ACIN1: variants seen among roughly 807,000 people sequenced by gnomAD.
ACIN1 encodes apoptotic chromatin condensation inducer in the nucleus.
A neutral mutation model predicts 146.6 loss-of-function variants in ACIN1; 16 were observed. The ratio of observed to expected loss-of-function variants is 0.11; its 90% CI spans 0.07 to 0.17. ACIN1 has a LOEUF of 0.17. Among genes scored for constraint, ACIN1 ranks in the 10% least tolerant of loss-of-function variants. The probability of loss-of-function intolerance (pLI) is 1.00; values close to 1 mark genes in which losing one functional copy is unlikely to be tolerated. For missense variants in ACIN1, 1,357 were observed against 1,609.3 expected (o/e 0.84, Z 2.68); for synonymous variants, 569 against 582.7 (o/e 0.98, Z 0.34).
chr14:23,090,471 A>G, intron 3 of ACIN1, 51 bp downstream of exon 3: 1 of 1,509,558 alleles, frequency 6.6e-7, no homozygotes, highest in Non-Finnish European at 9.2e-7. Context: ...CTACTTGGTG[A>G]CAGGGATAAG....
chr14:23,063,660 G>A (rs2047359863), intron 12 of ACIN1, 83 bp from the exon 13 acceptor site: 5 of 1,505,120 alleles, frequency 3.3e-6, no homozygotes, highest in South Asian at 1.2e-5. Flanking sequence ...CCCGGTAAGA[G>A]TAGCAGTCAA....
chr14:23,071,645 T>A, intron 8 of ACIN1: 1 of 1,316,858 alleles, frequency 7.6e-7, no homozygotes, highest in Non-Finnish European at 1.0e-6. Context: ...GGGAGCTGAG[T>A]GAGCAAGGTT....
At position 23,080,681 on chromosome 14, in the gene ACIN1, CTCCTCCTCTTCT is replaced by C. The variant is rs1391287411; in HGVS notation, c.642_653del (p.Glu220_Glu223del). On this transcript the variant is annotated inframe_deletion, in exon 6 of 19. Transcript: ENST00000605057. ...CTTCATCATCTTCTTCCTCCTCCTC[CTCCTCCTCTTCT>C]TCCTCCTCTGTTTTCAAATTTCGAT... is the stretch of plus-strand genomic sequence containing the variant. The C allele has an allele frequency of 1.2e-6, 2 of 1,613,962 alleles. No homozygotes were observed. Among genetic ancestry groups the C allele is most frequent in the Admixed American group, 1.7e-5 (1 of 60,014 alleles).
intron 5 of ACIN1, 36 bp downstream of exon 5, chr14:23,081,712 C>A: frequency 6.6e-7 from 1 of 1,513,646 alleles, no homozygotes; most frequent in Admixed American, 1.9e-5. Context: ...CAAAGCATTA[C>A]TGAAGAGGTA....
rs775017786 is a variant in ACIN1 at position 23,061,087 on chromosome 14, G to A, written c.3522C>T (p.Ser1174=). The A allele has an allele frequency of 5.9e-5, 96 of 1,613,706 alleles. No homozygotes were observed. The highest frequency in any genetic ancestry group is 8.1e-5 in the Non-Finnish European group (95 of 1,179,994). ...PCIYWLPLTD[S]QIVQKEAERA... ...GGGCACGAAGAAGAGCACTCACCTG[G>A]CTGTCAGTCAGTGGGAGCCAATAGA... Residue 1174 remains serine, a synonymous_variant, in exon 18 of 19, where the codon AGC becomes AGT. Coordinates refer to ENST00000605057, the MANE Select transcript of ACIN1 (RefSeq NM_001386863.1).
At position 23,080,309 on chromosome 14, in the gene ACIN1, T is replaced by C; in HGVS notation, c.1026A>G (p.Ser342=). The change falls in exon 6 of 19, where the codon TCA becomes TCG. Residue 342 remains serine (S), a synonymous_variant. Transcript: ENST00000605057. ...PRLTEDRKKA[S]LVALPEQTAS... is the part of the protein sequence containing the mutation. ...CAGTTTGCTCTGGCAGCGCTACAAG[T>C]GAGGCCTTCTTTCGATCTTCAGTCA... The C allele has an allele frequency of 1.2e-6, 2 of 1,614,196 alleles. No individual in the cohort carries two copies. The highest frequency in any genetic ancestry group is 1.7e-6 in the Non-Finnish European group (2 of 1,180,022).
At chr14:23,079,460 A>T in intron 6 of ACIN1, 87 bp downstream of exon 6, 2 of 1,544,600 alleles carry the variant, frequency 1.3e-6, no homozygotes, top group Admixed American at 3.9e-5. Flanking sequence ...TTCCTTTCAG[A>T]AATCATGACA....
Position 23,068,345 on chromosome 14 carries a change from C to T in ACIN1, c.2265+1131G>A. The T allele has an allele frequency of 1.0e-6, 1 of 985,966 alleles. No homozygotes were observed. Among genetic ancestry groups the T allele is most frequent in the Non-Finnish European group, 1.2e-6 (1 of 829,990 alleles). The allele number at this position is 985,966 out of a possible 1,614,324, so 61.1% of individuals were successfully genotyped here. On this transcript the variant is annotated intron_variant, in intron 9 of 18. Coordinates refer to ENST00000605057, the MANE Select transcript of ACIN1 (RefSeq NM_001386863.1). This position sits in a 1 kb window ranked among gnomAD's most constrained non-coding sequence, Gnocchi z 4.3. ...AAGGGCATGTGGGCAGGCGCCCCAG[C>T]ACTGGCACAAGCTCTTCTTGGGGTG...
At chr14:23,091,676 A>T (rs892724463) in intron 2 of ACIN1, among the ~76,000 whole-genome samples, 3 of 145,790 alleles carry the variant, frequency 2.1e-5, no homozygotes, top group Non-Finnish European at 3.0e-5. Context: ...CAGGCTGGAG[A>T]GCAATGGCGC....
chr14:23,076,733 C>T (rs1462373111), intron 8 of ACIN1, among the ~76,000 whole-genome samples: 1 of 152,070 alleles, frequency 6.6e-6, no homozygotes, highest in Non-Finnish European at 1.5e-5. Flanking sequence ...TCACAAAGGA[C>T]ATGCTTTTGT....
At position 23,059,019 on chromosome 14, in the gene ACIN1, G is replaced by GT. The variant is rs1211008296; in HGVS notation, c.*128dup. ...AAAAGGATGGCCACTTTTCCATTTG[G>GT]TATGTATGTAGGGATAGGTGATGTG... On this transcript the variant is annotated 3_prime_UTR_variant, in exon 19 of 19. Coordinates refer to ENST00000605057, the MANE Select transcript of ACIN1 (RefSeq NM_001386863.1). The GT allele has an allele frequency of 1.2e-6, 1 of 833,852 alleles. No homozygotes were observed. The highest frequency in any genetic ancestry group is 1.9e-6 in the Non-Finnish European group (1 of 528,044). The allele number at this position is 833,852 out of a possible 1,614,324, so 51.7% of individuals were successfully genotyped here.
At chr14:23,062,643 T>C in intron 14 of ACIN1, 120 bp from the exon 15 acceptor site, 2 of 964,816 alleles carry the variant, frequency 2.1e-6, no homozygotes, top group Non-Finnish European at 3.2e-6. Flanking sequence ...GGCAGAGAGT[T>C]TAGGAACCTT....
chr14:23,071,999 T>C (rs2047672392), intron 8 of ACIN1, among the ~76,000 whole-genome samples: 2 of 152,178 alleles, frequency 1.3e-5, no homozygotes, highest in Admixed American at 6.5e-5. Flanking sequence ...TTTATGTGCC[T>C]ACCATCCTCT....
rs1212354856 is a variant in ACIN1, at chr14:23,080,490, A to C, written c.845T>G (p.Phe282Cys). The change falls in exon 6 of 19, where the codon TTT becomes TGT. Residue 282 changes from phenylalanine to cysteine, a missense_variant. Phe to Cys is a radical substitution (Grantham distance 205). Coordinates refer to ENST00000605057, the MANE Select transcript of ACIN1 (RefSeq NM_001386863.1). ...TCTAGCCTCTTCCTGGGATCTTGTA[A>C]ATCTCCCTCCTCTCTCTAACACCTC... is the stretch of plus-strand genomic sequence containing the variant. ...EQEVLERGGR[F>C]TRSQEEARKS... 1.9e-6 allele frequency: 3 copies of C among 1,613,480 alleles called. No homozygotes were observed. Among genetic ancestry groups the C allele is most frequent in the Admixed American group, 1.7e-5 (1 of 59,954 alleles).
Position 23,067,212 on chromosome 14 carries a change from A to C in ACIN1, c.2266-1204T>G, listed in dbSNP as rs535435621. The C allele has an allele frequency of 1.3e-6, 1 of 745,362 alleles. No homozygotes were observed. Among genetic ancestry groups the C allele is most frequent in the African/African-American group, 1.9e-5 (1 of 52,508 alleles). The allele number at this position is 745,362 out of a possible 1,614,324, so 46.2% of individuals were successfully genotyped here. A position where few individuals can be genotyped will look rare whatever the true frequency, so the allele number is the denominator to read the frequency against. ...TAAATAAAAGAAATCAGAAAAAATAAAGATATAGAAAAAAATAAAATAAAA... is the reference window on the plus strand; with the variant it reads ...TAAATAAAAGAAATCAGAAAAAATACAGATATAGAAAAAAATAAAATAAAA... On this transcript the variant is annotated intron_variant, in intron 9 of 18. Coordinates refer to ENST00000605057, the MANE Select transcript of ACIN1 (RefSeq NM_001386863.1). The surrounding 1 kb of genome is among the most constrained non-coding windows in gnomAD (Gnocchi z 4.6).
chr14:23,095,460 G>T (rs567818340), upstream of ACIN1: 45 of 931,688 alleles, frequency 4.8e-5, no homozygotes, highest in African/African-American at 6.3e-4. Context: ...GAGATGAGGC[G>T]CTGGGGCGCT....
chr14:23,090,511 T>C lies in ACIN1; in HGVS notation c.316+11A>G, dbSNP rs1347836483. 1 of 1,612,524 alleles carries C rather than the reference T, an allele frequency of 6.2e-7. No individual in the cohort carries two copies. The highest frequency in any genetic ancestry group is 8.5e-7 in the Non-Finnish European group (1 of 1,178,616). On this transcript the variant is annotated intron_variant, in intron 3 of 18. Coordinates refer to ENST00000605057, the MANE Select transcript of ACIN1 (RefSeq NM_001386863.1). ...ACGAACTCCTTGTTAAAAGTGACAA[T>C]CTGGGCTTACCTTCAAGTTCTGCAG... is the stretch of plus-strand genomic sequence containing the variant.
intron 8 of ACIN1, among the ~76,000 whole-genome samples, chr14:23,069,832 C>A (rs1360280776): frequency 6.6e-6 from 1 of 152,088 alleles, no homozygotes; most frequent in Non-Finnish European, 1.5e-5. Context: ...ATCACAGCAA[C>A]CACATCCACC....
chr14:23,094,013 C>T (rs2140256060), intron 1 of ACIN1, among the ~76,000 whole-genome samples: 1 of 138,666 alleles, frequency 7.2e-6, no homozygotes, highest in Admixed American at 7.0e-5. Flanking sequence ...ACTGTGGCAC[C>T]TAGATTTATC....
Sources: gnomAD v4.1 joint callset for allele counts (sites outside exome capture counted in the v4.1 genomes callset) on GRCh38, gnomAD v4.1.1 for gene constraint, Gnocchi (gnomAD v3.1) non-coding constraint, MANE v1.5 for transcripts, NCBI Gene and HGNC (gene_info 2026-07-23, HGNC 2026-07-21) for gene names.